The following KIF6 variants were observed in gnomAD, a reference collection of about 807,000 sequenced individuals.
KIF6 encodes kinesin-like protein KIF6.
KIF6 carries 106 observed loss-of-function variants against 112.7 expected under a neutral mutation model. The observed-to-expected ratio is 0.94, with a 90% CI of 0.80 to 1.11. The LOEUF is 1.11. Among genes scored for constraint, KIF6 ranks in the 50% least tolerant of loss-of-function variants. KIF6 has a pLI of 0.00. For synonymous variants in KIF6, 339 were observed against 339.9 expected, an observed-to-expected ratio of 1.00 and a Z score of 0.03; for missense variants, 929 against 964.0, an observed-to-expected ratio of 0.96 and a Z score of 0.48.
intron 3 of KIF6, among the ~76,000 whole-genome samples, chr6:39,681,008 TA>T (rs1423983297): frequency 6.6e-6 from 1 of 152,128 alleles, no homozygotes; most frequent in East Asian, 1.9e-4. Context: ...GAAGAGGGAA[TA>T]AATGTGTCTG....
chr6:39,544,331 A>T (rs1027228599), intron 12 of KIF6, among the ~76,000 whole-genome samples: 1 of 152,256 alleles, frequency 6.6e-6, no homozygotes, highest in African/African-American at 2.4e-5. Context: ...TCCCTGCAAG[A>T]GTAACTATGT....
intron 3 of KIF6, among the ~76,000 whole-genome samples, chr6:39,652,289 G>A (rs896008103): frequency 2.6e-5 from 4 of 152,056 alleles, no homozygotes; most frequent in Admixed American, 2.6e-4. Flanking sequence ...CAGCACTTTG[G>A]GAGGCCAAGC....
chr6:39,644,160 CAA>C (rs59112697), intron 3 of KIF6, among the ~76,000 whole-genome samples: 13 of 147,186 alleles, frequency 8.8e-5, no homozygotes, highest in East Asian at 2.0e-4. Flanking sequence ...ATGGCTAAAA[CAA>C]AAAAAAAAAG....
chr6:39,580,695 T>C (rs1781238349), intron 9 of KIF6, among the ~76,000 whole-genome samples: 1 of 152,180 alleles, frequency 6.6e-6, no homozygotes, highest in Non-Finnish European at 1.5e-5. Flanking sequence ...GTGATTAGTA[T>C]TTTAGTATAA....
chr6:39,547,071 A>C (rs936150970), intron 10 of KIF6, among the ~76,000 whole-genome samples: 1 of 152,226 alleles, frequency 6.6e-6, no homozygotes, highest in Non-Finnish European at 1.5e-5. Flanking sequence ...ATCAGTATCT[A>C]TGATGTTATG....
chr6:39,360,610 C>T (rs1244884312), intron 17 of KIF6, 80 bp from the exon 18 acceptor site: 3 of 1,545,048 alleles, frequency 1.9e-6, no homozygotes, highest in African/African-American at 1.4e-5. Context: ...ATGAATGGGG[C>T]CCGTGCCTCA....
chr6:39,355,601 T>G (rs1764609518), intron 19 of KIF6, among the ~76,000 whole-genome samples: 1 of 151,584 alleles, frequency 6.6e-6, no homozygotes, highest in Non-Finnish European at 1.5e-5. Flanking sequence ...GTGGCTGAGA[T>G]TACAGGCATG....
At chr6:39,392,758 GT>G (rs1767987688) in intron 15 of KIF6, among the ~76,000 whole-genome samples, 1 of 152,208 alleles carries the variant, frequency 6.6e-6, no homozygotes, top group Admixed American at 6.5e-5. Context: ...GGGGAAAGCG[GT>G]TAAAAGTCAC....
intron 13 of KIF6, among the ~76,000 whole-genome samples, chr6:39,531,390 T>C (rs1320326896): frequency 6.6e-6 from 1 of 152,058 alleles, no homozygotes; most frequent in African/African-American, 2.4e-5. Flanking sequence ...GGAAGAAGAA[T>C]TATGAGAAGG....
chr6:39,681,633 G>C (rs974805016), intron 3 of KIF6, among the ~76,000 whole-genome samples: 4 of 152,122 alleles, frequency 2.6e-5, no homozygotes, highest in African/African-American at 9.7e-5. Context: ...ATATCAGGGA[G>C]GCTAGAGAAG....
At chr6:39,608,379 T>C (rs1366567535) in intron 6 of KIF6, among the ~76,000 whole-genome samples, 1 of 152,206 alleles carries the variant, frequency 6.6e-6, no homozygotes, top group Non-Finnish European at 1.5e-5. Context: ...TAGCCTACAG[T>C]TGGGCAAAAT....
intron 3 of KIF6, among the ~76,000 whole-genome samples, chr6:39,694,365 G>A (rs994788991): frequency 6.6e-6 from 1 of 152,092 alleles, no homozygotes; most frequent in African/African-American, 2.4e-5. Context: ...AACAGAAAAA[G>A]AAGAAGTCAA....
chr6:39,607,735 A>G (rs1186378290), intron 6 of KIF6, among the ~76,000 whole-genome samples: 1 of 152,180 alleles, frequency 6.6e-6, no homozygotes, highest in Non-Finnish European at 1.5e-5. Flanking sequence ...TAAACATGCT[A>G]TTCTTACTGT....
At chr6:39,616,374 T>A (rs900105004) in intron 5 of KIF6, among the ~76,000 whole-genome samples, 1 of 152,232 alleles carries the variant, frequency 6.6e-6, no homozygotes, top group African/African-American at 2.4e-5. Flanking sequence ...TTGTAACACA[T>A]CCCTGTGCGT....
At chr6:39,694,209 A>G (rs1315227394) in intron 3 of KIF6, among the ~76,000 whole-genome samples, 1 of 152,120 alleles carries the variant, frequency 6.6e-6, no homozygotes. Flanking sequence ...CACAGCCAAC[A>G]TCATACTGAA....
intron 3 of KIF6, among the ~76,000 whole-genome samples, chr6:39,655,704 T>C (rs151195825): frequency 1.3e-3 from 204 of 152,322 alleles, no homozygotes; most frequent in African/African-American, 4.8e-3. Flanking sequence ...ATGCCACTTA[T>C]ATCATTAACT....
intron 13 of KIF6, among the ~76,000 whole-genome samples, chr6:39,522,260 C>T (rs889072656): frequency 6.6e-6 from 1 of 152,088 alleles, no homozygotes; most frequent in Non-Finnish European, 1.5e-5. Context: ...AAAAACTATT[C>T]CTCCGTTGAG....
intron 13 of KIF6, among the ~76,000 whole-genome samples, chr6:39,467,266 G>T (rs564755313): frequency 6.6e-6 from 1 of 152,326 alleles, no homozygotes; most frequent in East Asian, 1.9e-4. Flanking sequence ...GAGAGAACCA[G>T]GGAAAAGAGA....
At chr6:39,339,670 A>G (rs1763212941) in intron 22 of KIF6, among the ~76,000 whole-genome samples, 1 of 151,726 alleles carries the variant, frequency 6.6e-6, no homozygotes, top group Non-Finnish European at 1.5e-5. Flanking sequence ...TTCCTCAGAC[A>G]TAAAAACTGT....
Sources: gnomAD v4.1 joint callset for allele counts (sites outside exome capture counted in the v4.1 genomes callset) on GRCh38, gnomAD v4.1.1 for gene constraint, MANE v1.5 for transcripts, NCBI Gene and HGNC (gene_info 2026-07-23, HGNC 2026-07-21) for gene names.